Variants in SGIP1 observed in about 807,000 individuals in gnomAD.
SGIP1 encodes SH3GL interacting endocytic adaptor 1, also known as SH3-containing GRB2-like protein 3-interacting protein 1.
SGIP1 carries 38 observed loss-of-function variants against 107.5 expected under a neutral mutation model. The observed-to-expected ratio is 0.35, with a 90% confidence interval of 0.27 to 0.46. The LOEUF is 0.46. Among genes scored for constraint, SGIP1 ranks in the 20% least tolerant of loss-of-function variants. The pLI is 1.00. For synonymous variants in SGIP1, 365 were observed against 366.1 expected (o/e 1.00, Z 0.03); for missense variants, 929 against 1,019.5 (o/e 0.91, Z 1.21).
chr1:66,637,338 C>T (rs1448100522), intron 4 of SGIP1, among the ~76,000 whole-genome samples: 4 of 152,122 alleles, frequency 2.6e-5, no homozygotes, highest in African/African-American at 9.6e-5. Context: ...GAATTCCATC[C>T]AGGCTCTGGC....
At chr1:66,594,471 C>T (rs1271758374) in intron 1 of SGIP1, among the ~76,000 whole-genome samples, 1 of 152,008 alleles carries the variant, frequency 6.6e-6, no homozygotes, top group Non-Finnish European at 1.5e-5. Context: ...AAGGTTGGTT[C>T]ACAACTAAGC....
rs149425441 is a variant in SGIP1, at chr1:66,625,899, C to A, written c.63C>A (p.Asp21Glu). ...KAFGIRKKEK[D>E]TDSTGSPDRD... ...TTGGAATACGGAAGAAAGAAAAGGA[C>A]ACTGATTCTACGTATGTACTTTAGG... The change falls in exon 2 of 25, where the codon GAC becomes GAA. Residue 21 changes from aspartate to glutamate, a missense_variant. Coordinates refer to ENST00000371037, the MANE Select transcript of SGIP1 (RefSeq NM_032291.4). The A allele has an allele frequency of 1.9e-6, 3 of 1,612,260 alleles. No individual in the cohort carries two copies. Among genetic ancestry groups the A allele is most frequent in the Admixed American group, 1.7e-5 (1 of 59,890 alleles).
intron 2 of SGIP1, among the ~76,000 whole-genome samples, chr1:66,628,718 T>G (rs1371175755): frequency 6.6e-6 from 1 of 152,234 alleles, no homozygotes. Flanking sequence ...GCCAAAGCAC[T>G]ACTCTTCCAT....
intron 7 of SGIP1, among the ~76,000 whole-genome samples, chr1:66,657,201 TAAAAAG>T (rs2079973652): frequency 6.6e-6 from 1 of 151,918 alleles, no homozygotes; most frequent in African/African-American, 2.4e-5. Flanking sequence ...TAAATGAAAA[TAAAAAG>T]AGGAAGATTC....
chr1:66,630,887 GAA>G (rs765012051), intron 2 of SGIP1, among the ~76,000 whole-genome samples: 6 of 50,694 alleles, frequency 1.2e-4, no homozygotes, highest in Middle Eastern at 9.1e-3. Context: ...AAGAAAGAAA[GAA>G]AGAAAGAAAG....
intron 7 of SGIP1, among the ~76,000 whole-genome samples, chr1:66,656,669 A>G (rs776215241): frequency 9.8e-5 from 15 of 152,300 alleles, no homozygotes; most frequent in Admixed American, 4.6e-4. Flanking sequence ...CCCTGCTCCC[A>G]GATGTAAACC....
At position 66,653,306 on chromosome 1, in the gene SGIP1, A is replaced by AT. The variant is rs111229923; in HGVS notation, c.460-7198dup. Among the ~76,000 whole-genome samples the AT allele has an allele frequency of 1.5e-3, 231 of 151,102 alleles. 1 individual carries two copies. The highest frequency in any genetic ancestry group is 3.7e-3 in the African/African-American group (154 of 41,192). ...ATGCTTTTTCTTTCCTTCATTACTG[A>AT]TTTTTTTTTCCCTAGGAAATTTTCT... On this transcript the variant is annotated intron_variant, in intron 7 of 24. Transcript: ENST00000371037.
intron 24 of SGIP1, among the ~76,000 whole-genome samples, chr1:66,742,089 C>T (rs1007729199): frequency 1.3e-5 from 2 of 152,142 alleles, no homozygotes; most frequent in African/African-American, 4.8e-5. Flanking sequence ...TTATCTCCCA[C>T]CAGAAAACTT....
intron 18 of SGIP1, among the ~76,000 whole-genome samples, chr1:66,714,216 G>A (rs1473162601): frequency 1.3e-5 from 2 of 152,108 alleles, no homozygotes; most frequent in African/African-American, 2.4e-5. Flanking sequence ...TTTAAGATGA[G>A]GAAACTGATT....
At chr1:66,543,094 G>C (rs1283064753) in intron 1 of SGIP1, among the ~76,000 whole-genome samples, 1 of 152,162 alleles carries the variant, frequency 6.6e-6, no homozygotes. Context: ...CTTGAAGAAG[G>C]CCACCTCACA....
intron 13 of SGIP1, among the ~76,000 whole-genome samples, chr1:66,677,538 T>C (rs957380712): frequency 2.6e-5 from 4 of 151,998 alleles, no homozygotes; most frequent in Non-Finnish European, 4.4e-5. Context: ...AGAGTGACAA[T>C]TGGGGAACAA....
At position 66,747,162 on chromosome 1, in the gene SGIP1, T is replaced by C. The variant is rs2094564237; in HGVS notation, c.*4067T>C. ...TCATACAAGCTATACACAGTAGGCATCGATAAATTTGTATTGACAGCATAA... is the reference window on the plus strand; with the variant it reads ...TCATACAAGCTATACACAGTAGGCACCGATAAATTTGTATTGACAGCATAA... On this transcript the variant is annotated 3_prime_UTR_variant, in exon 25 of 25. Coordinates refer to ENST00000371037, the MANE Select transcript of SGIP1 (RefSeq NM_032291.4). 1 of 152,110 alleles carries C rather than the reference T, an allele frequency of 6.6e-6. No homozygotes were observed. Among genetic ancestry groups the C allele is most frequent in the African/African-American group, 2.4e-5 (1 of 41,462 alleles). The allele number at this position is 152,110 out of a possible 1,614,324, so 9.4% of individuals were successfully genotyped here. A position where few individuals can be genotyped will look rare whatever the true frequency, so the allele number is the denominator to read the frequency against.
At chr1:66,566,769 G>A (rs1255416019) in intron 1 of SGIP1, among the ~76,000 whole-genome samples, 1 of 151,922 alleles carries the variant, frequency 6.6e-6, no homozygotes, top group Non-Finnish European at 1.5e-5. Context: ...AGGTATACAT[G>A]TGCCATGGTG....
Position 66,635,970 on chromosome 1 carries a change from CA to C in SGIP1, c.128del (p.Asn43IlefsTer94). On this transcript the variant is annotated frameshift_variant, in exon 4 of 25. Coordinates refer to ENST00000371037, the MANE Select transcript of SGIP1 (RefSeq NM_032291.4). LOFTEE classifies it high-confidence loss of function. ...IQPSPHEPPY[N>X]SKAECAREGG... is the part of the protein sequence containing the mutation. ...AGCCCAGCCCACACGAACCACCCTA[CA>C]ATAGCAAAGCAGAGTGTGCGCGTGA... The C allele has an allele frequency of 6.2e-7, 1 of 1,613,826 alleles. No individual in the cohort carries two copies. Among genetic ancestry groups the C allele is most frequent in the Non-Finnish European group, 8.5e-7 (1 of 1,179,870 alleles).
At chr1:66,713,978 T>C (rs2093078425) in intron 18 of SGIP1, among the ~76,000 whole-genome samples, 1 of 152,168 alleles carries the variant, frequency 6.6e-6, no homozygotes, top group East Asian at 1.9e-4. Context: ...TGAAGAATTC[T>C]ATTTGTTTTG....
chr1:66,601,551 G>A (rs965134038), intron 1 of SGIP1, among the ~76,000 whole-genome samples: 3 of 151,846 alleles, frequency 2.0e-5, no homozygotes, highest in Admixed American at 2.0e-4. Context: ...GAGAGAGAGA[G>A]AAAAGAATAG....
chr1:66,561,609 G>T (rs779270143), intron 1 of SGIP1, among the ~76,000 whole-genome samples: 13 of 152,038 alleles, frequency 8.6e-5, no homozygotes, highest in Non-Finnish European at 1.8e-4. Context: ...TGTCTCACGA[G>T]AAGTACCTGC....
intron 1 of SGIP1, among the ~76,000 whole-genome samples, chr1:66,543,967 A>AT (rs1258550148): frequency 6.6e-6 from 1 of 152,154 alleles, no homozygotes; most frequent in African/African-American, 2.4e-5. Flanking sequence ...ACAGTAAGAG[A>AT]TTGGCAATAA....
chr1:66,682,531 G>T (rs1053389776), intron 15 of SGIP1, among the ~76,000 whole-genome samples, 162 bp downstream of exon 15: 1 of 152,172 alleles, frequency 6.6e-6, no homozygotes, highest in Non-Finnish European at 1.5e-5. Context: ...TAGTCCATCA[G>T]ATGCTCACAG....
Sources: allele counts gnomAD v4.1 joint callset (sites outside exome capture counted in the v4.1 genomes callset), GRCh38; gene constraint gnomAD v4.1.1; transcripts MANE v1.5; gene names NCBI Gene and HGNC (gene_info 2026-07-23, HGNC 2026-07-21).